MYCL: variants seen among roughly 807,000 people sequenced by gnomAD.
The protein encoded by MYCL is MYCL proto-oncogene, bHLH transcription factor, also known as protein L-Myc.
A neutral mutation model predicts 31.0 loss-of-function variants in MYCL; 11 were observed. The observed-to-expected ratio is 0.35, with a 90% CI of 0.22 to 0.59. The LOEUF (loss-of-function observed/expected upper bound fraction) is 0.59. Among genes scored for constraint, MYCL ranks in the 20% least tolerant of loss-of-function variants. The pLI is 0.79. For missense variants in MYCL, 427 were observed against 486.1 expected, an observed-to-expected ratio of 0.88 and a Z score of 1.14; for synonymous variants, 208 against 202.4, an observed-to-expected ratio of 1.03 and a Z score of -0.23.
Position 39,901,915 on chromosome 1 carries a change from C to A in MYCL, c.-481G>T. On this transcript the variant is annotated 5_prime_UTR_variant, in exon 1 of 2. Coordinates refer to ENST00000372816, the MANE Select transcript of MYCL (RefSeq NM_001033081.3). The surrounding 1 kb of genome is among the most constrained non-coding windows in gnomAD (Gnocchi z 6.9). ...CGCGCCGCCGAGAGCGCGGCCCGCA[C>A]TCACAAGCGCGCCCCCCCCGCGCGC... is the stretch of plus-strand genomic sequence containing the variant. The A allele has an allele frequency of 9.0e-7, 1 of 1,116,874 alleles. No individual in the cohort carries two copies. The highest frequency in any genetic ancestry group is 1.1e-6 in the Non-Finnish European group (1 of 910,580). The allele number at this position is 1,116,874 out of a possible 1,614,324, so 69.2% of individuals were successfully genotyped here.
intron 1 of MYCL, chr1:39,899,247 GTGAGT>G: frequency 3.8e-6 from 1 of 261,116 alleles, no homozygotes; most frequent in Non-Finnish European, 6.0e-6. Flanking sequence ...CATGTGGCCT[GTGAGT>G]GAACTAGAAG....
intron 1 of MYCL, chr1:39,899,871 C>A: frequency 1.0e-6 from 1 of 985,376 alleles, no homozygotes; most frequent in Non-Finnish European, 1.2e-6. Flanking sequence ...TTTCTTGGTC[C>A]TAATTTATTT....
At position 39,896,473 on chromosome 1, in the gene MYCL, G is replaced by A; in HGVS notation, c.*899C>T. 9.3e-6 allele frequency: 2 copies of A among 215,330 alleles called. No individual in the cohort carries two copies. Among genetic ancestry groups the A allele is most frequent in the Non-Finnish European group, 9.4e-6 (1 of 106,514 alleles). The allele number at this position is 215,330 out of a possible 1,614,324, so 13.3% of individuals were successfully genotyped here. A position where few individuals can be genotyped will look rare whatever the true frequency, so the allele number is the denominator to read the frequency against. Reference sequence around the variant, plus strand: ...CTTGAGAAAAGACTGGGCCTCAAGTGCCCCTCGGAAAACACCTGGGCAGGG... The same window carrying A: ...CTTGAGAAAAGACTGGGCCTCAAGTACCCCTCGGAAAACACCTGGGCAGGG... On this transcript the variant is annotated 3_prime_UTR_variant, in exon 2 of 2. Transcript: ENST00000372816.
chr1:39,897,875 G>A lies in MYCL; in HGVS notation c.592C>T (p.Pro198Ser), dbSNP rs1317819335. The change falls in exon 2 of 2, where the codon CCC (proline) becomes TCC (serine). Residue 198 changes from proline to serine, a missense_variant. Physicochemically the swap from Pro to Ser is moderately conservative, Grantham distance 74. Coordinates refer to ENST00000372816, the MANE Select transcript of MYCL (RefSeq NM_001033081.3). The surrounding 1 kb of genome is among the most constrained non-coding windows in gnomAD (Gnocchi z 4.3). ...TITVRADPLD[P>S]CMKHFHISIH... ...GAGATGTGGAAATGCTTCATGCAGG[G>A]ATCCAGGGGGTCTGCTCGCACCGTG... The A allele has an allele frequency of 6.2e-7, 1 of 1,614,156 alleles. No individual in the cohort carries two copies. Among genetic ancestry groups the A allele is most frequent in the African/African-American group, 1.3e-5 (1 of 75,018 alleles).
In MYCL at chr1:39,896,020, G is replaced by A. The variant is rs1374542333; in HGVS notation, c.*1352C>T. On this transcript the variant is annotated 3_prime_UTR_variant, in exon 2 of 2. Transcript: ENST00000372816. The stretch of plus-strand genomic sequence containing the variant: ...CTTCTTCCAGGACAGGCTTAGAGGT[G>A]CCTGAGGTTACCCACATGACAACTG... The A allele has an allele frequency of 3.2e-5, 7 of 217,676 alleles. No homozygotes were observed. In the East Asian group the frequency reaches 4.7e-4, roughly 15 times the overall value. 13.5% of individuals were successfully genotyped at this position (217,676 alleles called of 1,614,324 possible).
rs1342556397 is a variant in MYCL, at chr1:39,896,822, G to T, written c.*550C>A. On this transcript the variant is annotated 3_prime_UTR_variant, in exon 2 of 2. Transcript: ENST00000372816. ...TTTCCAACTCCTTGGCTACTGTAAA[G>T]TGTCTGACAGTGAGGTAATGGTCAA... is the stretch of plus-strand genomic sequence containing the variant. 5.0e-6 allele frequency: 1 copy of T among 199,510 alleles called. No homozygotes were observed. Among genetic ancestry groups the T allele is most frequent in the Non-Finnish European group, 1.0e-5 (1 of 96,406 alleles). The allele number at this position is 199,510 out of a possible 1,614,324, so 12.4% of individuals were successfully genotyped here. A position where few individuals can be genotyped will look rare whatever the true frequency, so the allele number is the denominator to read the frequency against.
chr1:39,901,099 C>A lies in MYCL; in HGVS notation c.336G>T (p.Arg112=). The A allele has an allele frequency of 6.3e-7, 1 of 1,586,134 alleles. No individual in the cohort carries two copies. Among genetic ancestry groups the A allele is most frequent in the Non-Finnish European group, 8.6e-7 (1 of 1,166,610 alleles). The change falls in exon 1 of 2, where the codon CGG becomes CGT. Residue 112 remains arginine, a synonymous_variant. Transcript: ENST00000372816. The surrounding 1 kb of genome is among the most constrained non-coding windows in gnomAD (Gnocchi z 6.9). Reference sequence around the variant, plus strand: ...TCCCCCGGGGCGCGCCAGGAGCGAGCCGGTCGCTCACAGCTCTCTCCAGCC... The same window carrying A: ...TCCCCCGGGGCGCGCCAGGAGCGAGACGGTCGCTCACAGCTCTCTCCAGCC... ...RERLERAVSD[R]LAPGAPRGNP...
In MYCL at chr1:39,897,343, A is replaced by T; in HGVS notation, c.*29T>A. 1 of 1,544,454 alleles carries T rather than the reference A, an allele frequency of 6.5e-7. No individual in the cohort carries two copies. The highest frequency in any genetic ancestry group is 8.7e-7 in the Non-Finnish European group (1 of 1,144,614). ...TTAAAAAATAAACTTGTGTCTTCGT[A>T]AGACAGAACTGTCAGGCTTTTTGGT... is the stretch of plus-strand genomic sequence containing the variant. On this transcript the variant is annotated 3_prime_UTR_variant, in exon 2 of 2. Coordinates refer to ENST00000372816, the MANE Select transcript of MYCL (RefSeq NM_001033081.3). The surrounding 1 kb of genome is among the most constrained non-coding windows in gnomAD (Gnocchi z 4.3).
Position 39,897,621 on chromosome 1 carries a change from C to G in MYCL, c.846G>C (p.Lys282Asn). Residue 282 changes from lysine to asparagine, a missense_variant, in exon 2 of 2, where the codon AAG becomes AAC. Transcript: ENST00000372816. The surrounding 1 kb of genome is among the most constrained non-coding windows in gnomAD (Gnocchi z 4.3). ...GCTCCAGGAAGTTGTGATTCTTCCT[C>G]TTGGTCACATCCTCAGTATCAGAAC... ...PVSSDTEDVTKRKNHNFLERK... is the reference protein window; with the variant it reads ...PVSSDTEDVTNRKNHNFLERK... The G allele has an allele frequency of 6.2e-7, 1 of 1,614,234 alleles. No homozygotes were observed. The highest frequency in any genetic ancestry group is 1.3e-5 in the African/African-American group (1 of 75,056).
chr1:39,897,345 G>T lies in MYCL; in HGVS notation c.*27C>A. On this transcript the variant is annotated 3_prime_UTR_variant, in exon 2 of 2. Transcript: ENST00000372816. This position sits in a 1 kb window ranked among gnomAD's most constrained non-coding sequence, Gnocchi z 4.3. ...AAAAAATAAACTTGTGTCTTCGTAA[G>T]ACAGAACTGTCAGGCTTTTTGGTCA... 6.5e-7 allele frequency: 1 copy of T among 1,549,560 alleles called. No homozygotes were observed. The highest frequency in any genetic ancestry group is 1.2e-5 in the South Asian group (1 of 81,936).
chr1:39,900,908 C>A, intron 1 of MYCL, 31 bp downstream of exon 1: 2 of 1,506,882 alleles, frequency 1.3e-6, no homozygotes, highest in Non-Finnish European at 8.8e-7. Flanking sequence ...ATGGGGTGGC[C>A]CCCTCTTGGA....
chr1:39,898,668 A>T, intron 1 of MYCL: 1 of 985,444 alleles, frequency 1.0e-6, no homozygotes, highest in Non-Finnish European at 1.2e-6. Context: ...CTGGACTAGA[A>T]GGTTAGATTT....
Position 39,895,451 on chromosome 1 carries a change from A to G in MYCL, c.*1921T>C. On this transcript the variant is annotated 3_prime_UTR_variant, in exon 2 of 2. Coordinates refer to ENST00000372816, the MANE Select transcript of MYCL (RefSeq NM_001033081.3). Reference sequence around the variant, plus strand: ...CATGTTTGAGAAATCTTTTATTAGAAGATGTCCCAGAAGGCAACATTTTAA... The same window carrying G: ...CATGTTTGAGAAATCTTTTATTAGAGGATGTCCCAGAAGGCAACATTTTAA... The G allele has an allele frequency of 4.5e-6, 1 of 220,394 alleles. No individual in the cohort carries two copies. Among genetic ancestry groups the G allele is most frequent in the Admixed American group, 5.8e-5 (1 of 17,342 alleles). 13.7% of individuals were successfully genotyped at this position (220,394 alleles called of 1,614,324 possible).
At chr1:39,899,304 T>C (rs888485869) in intron 1 of MYCL, among the ~76,000 whole-genome samples, 1 of 152,214 alleles carries the variant, frequency 6.6e-6, no homozygotes, top group Admixed American at 6.5e-5. Flanking sequence ...TAGAAAATGA[T>C]TCAGCAGGCT....
Position 39,901,443 on chromosome 1 carries a change from C to T in MYCL, c.-9G>A. 1 of 1,608,956 alleles carries T rather than the reference C, an allele frequency of 6.2e-7. No homozygotes were observed. The highest frequency in any genetic ancestry group is 8.5e-7 in the Non-Finnish European group (1 of 1,179,384). ...TACGAGTCGTAGTCCATGTCCGCTC[C>T]CTGCGGGAGGGAAGGGGGGACGTGC... On this transcript the variant is annotated 5_prime_UTR_variant, in exon 1 of 2. Transcript: ENST00000372816. This position sits in a 1 kb window ranked among gnomAD's most constrained non-coding sequence, Gnocchi z 6.9.
intron 1 of MYCL, chr1:39,898,173 C>A: frequency 1.4e-6 from 1 of 704,340 alleles, no homozygotes; most frequent in Non-Finnish European, 2.2e-6. Context: ...GGGACATTAG[C>A]AAGAAGGAAA....
In MYCL at chr1:39,901,881, A is replaced by C; in HGVS notation, c.-447T>G. The C allele has an allele frequency of 8.5e-7, 1 of 1,179,616 alleles. No homozygotes were observed. Among genetic ancestry groups the C allele is most frequent in the East Asian group, 3.8e-5 (1 of 26,048 alleles). 73.1% of individuals were successfully genotyped at this position (1,179,616 alleles called of 1,614,324 possible). On this transcript the variant is annotated 5_prime_UTR_variant, in exon 1 of 2. Coordinates refer to ENST00000372816, the MANE Select transcript of MYCL (RefSeq NM_001033081.3). This position sits in a 1 kb window ranked among gnomAD's most constrained non-coding sequence, Gnocchi z 6.9. ...CGGGGCAGCCCGGCAGCCAGCACAC[A>C]CGCACATGCGCGCCGCCGAGAGCGC... is the stretch of plus-strand genomic sequence containing the variant.
Position 39,901,175 on chromosome 1 carries a change from G to A in MYCL, c.260C>T (p.Ala87Val), listed in dbSNP as rs1449490187. The A allele has an allele frequency of 6.2e-7, 1 of 1,613,234 alleles. No individual in the cohort carries two copies. Among genetic ancestry groups the A allele is most frequent in the Admixed American group, 1.7e-5 (1 of 59,950 alleles). The change falls in exon 1 of 2, where the codon GCC becomes GTC. Residue 87 changes from alanine (A) to valine (V), a missense_variant. Transcript: ENST00000372816. The surrounding 1 kb of genome is among the most constrained non-coding windows in gnomAD (Gnocchi z 6.9). ...GHSKGWGRNY[A>V]SIIRRDCMWS... The stretch of plus-strand genomic sequence containing the variant: ...CATGCAGTCACGGCGTATGATGGAG[G>A]CGTAGTTCCTGCCCCAGCCTTTCGA...
intron 1 of MYCL, 120 bp from the exon 2 acceptor site, chr1:39,898,090 G>C (rs201907223): frequency 1.5e-6 from 2 of 1,316,086 alleles, no homozygotes; most frequent in East Asian, 8.2e-5. Flanking sequence ...TTCCAATTTA[G>C]ATATATACAA....
Sources: gnomAD v4.1 joint callset for allele counts (sites outside exome capture counted in the v4.1 genomes callset) on GRCh38, gnomAD v4.1.1 for gene constraint, Gnocchi (gnomAD v3.1) non-coding constraint, MANE v1.5 for transcripts, NCBI Gene and HGNC (gene_info 2026-07-23, HGNC 2026-07-21) for gene names.